TENM2: variants seen among roughly 807,000 people sequenced by gnomAD.
The protein encoded by TENM2 is teneurin-2.
In TENM2, 52 loss-of-function variants were observed where a neutral mutation model predicts 245.2. The observed-to-expected ratio is 0.21, with a 90% CI of 0.17 to 0.27. The LOEUF (loss-of-function observed/expected upper bound fraction) is 0.27. TENM2 is among the 10% of genes least tolerant of loss of function. TENM2 has a pLI of 1.00. For synonymous variants in TENM2, 1,363 were observed against 1,438.9 expected, an observed-to-expected ratio of 0.95 and a Z score of 1.19; for missense variants, 3,046 against 3,666.8, an observed-to-expected ratio of 0.83 and a Z score of 4.37.
At chr5:167,347,566 G>C (rs1053380142) in intron 1 of TENM2, among the ~76,000 whole-genome samples, 4 of 152,156 alleles carry the variant, frequency 2.6e-5, no homozygotes, top group South Asian at 2.1e-4. Flanking sequence ...GGTTGCAGTG[G>C]TGAGAGCATT....
chr5:167,426,780 G>A (rs10076216), intron 2 of TENM2, among the ~76,000 whole-genome samples: 33,208 of 151,920 alleles, frequency 0.22, 4,057 homozygotes, highest in African/African-American at 0.32. Context: ...TGTTTATCAG[G>A]AATTTGGAAG....
At chr5:168,039,884 G>T (rs1203360350) in intron 5 of TENM2, among the ~76,000 whole-genome samples, 1 of 152,024 alleles carries the variant, frequency 6.6e-6, no homozygotes, top group African/African-American at 2.4e-5. Flanking sequence ...GCAGCAGCGG[G>T]TTCCAGGAGA....
intron 2 of TENM2, among the ~76,000 whole-genome samples, chr5:167,859,381 G>A (rs1771456377): frequency 2.7e-5 from 4 of 145,488 alleles, no homozygotes; most frequent in East Asian, 2.1e-4. Flanking sequence ...AGGGAGGTGG[G>A]GGGGGTCAGC....
intron 2 of TENM2, among the ~76,000 whole-genome samples, chr5:167,630,802 T>C (rs924994558): frequency 3.3e-5 from 5 of 152,198 alleles, no homozygotes; most frequent in African/African-American, 1.2e-4. Context: ...ACAGGAGAGA[T>C]ACTTGGAGCT....
intron 5 of TENM2, among the ~76,000 whole-genome samples, chr5:168,001,473 G>A (rs992321327): frequency 2.0e-5 from 3 of 152,234 alleles, no homozygotes; most frequent in South Asian, 2.1e-4. Flanking sequence ...CTCTGTAAAT[G>A]AGGATGTACT....
rs542161295 is a variant in TENM2 at position 167,436,484 on chromosome 5, G to A, written c.502+61011G>A. Among the ~76,000 whole-genome samples the A allele has an allele frequency of 6.6e-4, 101 of 152,304 alleles. 3 individuals are homozygous for A. The Middle Eastern group carries it at 0.031, about 46-fold the overall frequency. On this transcript the variant is annotated intron_variant, in intron 2 of 28. Coordinates refer to ENST00000518659, the Ensembl canonical transcript of TENM2. ...AGCAAAAAAGTTTGGAAAATTTGCA[G>A]CCTAATAATGCGATAGAAAAGAAAA...
intron 1 of TENM2, among the ~76,000 whole-genome samples, chr5:167,303,716 G>A (rs1260950768): frequency 2.6e-5 from 4 of 152,210 alleles, no homozygotes; most frequent in East Asian, 1.9e-4. Flanking sequence ...AATATGTATC[G>A]AGACTATGAA....
the TENM2 span, among the ~76,000 whole-genome samples, chr5:167,106,088 T>G: frequency 6.6e-6 from 1 of 152,124 alleles, no homozygotes; most frequent in Admixed American, 6.5e-5. Context: ...GTTATCTGTT[T>G]AATATTTAAG....
intron 9 of TENM2, among the ~76,000 whole-genome samples, chr5:168,111,542 T>C (rs1794670412): frequency 6.6e-6 from 1 of 152,170 alleles, no homozygotes; most frequent in South Asian, 2.1e-4. Context: ...TCCAACTTCC[T>C]CTCTCTCTCT....
In TENM2 at chr5:168,208,429, C is replaced by T. The variant is rs574302234; in HGVS notation, c.3825-3305C>T. ...GAGACCTTCAGAGAAGGGACATGTC[C>T]AACCCAGATATGTTAGTACCGGGCG... On this transcript the variant is annotated intron_variant, in intron 19 of 28. Transcript: ENST00000518659. 1.4e-4 allele frequency among the ~76,000 whole-genome samples: 22 copies of T among 152,254 alleles called. No individual in the cohort carries two copies. In the Middle Eastern group the frequency reaches 0.01, roughly 71 times the overall value.
chr5:167,340,703 T>C (rs1488582618), intron 1 of TENM2, among the ~76,000 whole-genome samples: 1 of 152,238 alleles, frequency 6.6e-6, no homozygotes, highest in Non-Finnish European at 1.5e-5. Flanking sequence ...TTATGAAGAT[T>C]GACTGAATGT....
the TENM2 span, among the ~76,000 whole-genome samples, chr5:167,148,830 A>G: frequency 9.2e-5 from 14 of 152,154 alleles, no homozygotes; most frequent in South Asian, 2.1e-4. Flanking sequence ...GGACCATAGT[A>G]TGTGCTCAAT....
chr5:167,973,572 G>A (rs1030637638), intron 4 of TENM2, among the ~76,000 whole-genome samples: 2 of 152,170 alleles, frequency 1.3e-5, no homozygotes, highest in South Asian at 2.1e-4. Context: ...GGGACTCTAC[G>A]GAAGCATGGA....
the TENM2 span, among the ~76,000 whole-genome samples, chr5:167,054,299 A>T: frequency 6.6e-6 from 1 of 152,180 alleles, no homozygotes; most frequent in Non-Finnish European, 1.5e-5. Flanking sequence ...ATGTGCTGTT[A>T]AAGATGGGTT....
In TENM2 at chr5:167,549,221, T is replaced by C. The variant is rs1376887177; in HGVS notation, c.502+173748T>C. The stretch of plus-strand genomic sequence containing the variant: ...CTGAGGATAACACCAACCCCGAATC[T>C]ATAAGCTTTGTTTTATTTTATGTGA... On this transcript the variant is annotated intron_variant, in intron 2 of 28. Transcript: ENST00000518659. 9.8e-5 allele frequency among the ~76,000 whole-genome samples: 15 copies of C among 152,328 alleles called. No homozygotes were observed. In the South Asian group the frequency reaches 1.9e-3, roughly 19 times the overall value.
At chr5:168,022,071 C>T (rs1200452215) in intron 5 of TENM2, among the ~76,000 whole-genome samples, 1 of 152,204 alleles carries the variant, frequency 6.6e-6, no homozygotes, top group East Asian at 1.9e-4. Context: ...GAATCTTTCT[C>T]ATTTTAAAAT....
chr5:167,947,797 A>G (rs1054328823), intron 3 of TENM2, among the ~76,000 whole-genome samples: 8 of 152,176 alleles, frequency 5.3e-5, no homozygotes, highest in African/African-American at 9.7e-5. Context: ...GAAAATTTTA[A>G]AGACCAACCA....
At chr5:167,931,372 G>A (rs146313879) in intron 3 of TENM2, among the ~76,000 whole-genome samples, 1 of 152,198 alleles carries the variant, frequency 6.6e-6, no homozygotes, top group Non-Finnish European at 1.5e-5. Context: ...ATCATATCGG[G>A]TTGGGAAAGC....
the TENM2 span, among the ~76,000 whole-genome samples, chr5:167,136,463 A>G: frequency 3.3e-5 from 5 of 152,214 alleles, no homozygotes; most frequent in African/African-American, 7.2e-5. Flanking sequence ...AGGGGAACAC[A>G]ATATTGAGAA....
Sources: allele counts gnomAD v4.1 joint callset (sites outside exome capture counted in the v4.1 genomes callset), GRCh38; gene constraint gnomAD v4.1.1; transcripts MANE v1.5; gene names NCBI Gene and HGNC (gene_info 2026-07-23, HGNC 2026-07-21).